The following STK39 variants were observed in gnomAD, a reference collection of about 807,000 sequenced individuals.
STK39 encodes the protein serine/threonine kinase 39, also known as STE20/SPS1-related proline-alanine-rich protein kinase.
STK39 carries 20 observed loss-of-function variants against 77.8 expected under a neutral mutation model. The observed-to-expected ratio is 0.26, with a 90% CI of 0.18 to 0.37. The LOEUF is 0.37. STK39 is among the 10% of genes least tolerant of loss of function. The pLI is 1.00. For missense variants in STK39, 479 were observed against 656.5 expected (o/e 0.73, Z 2.95); for synonymous variants, 246 against 234.1 (o/e 1.05, Z -0.47).
intron 16 of STK39, among the ~76,000 whole-genome samples, chr2:167,973,642 G>T (rs1185757106): frequency 7.9e-5 from 12 of 152,116 alleles, no homozygotes; most frequent in Admixed American, 3.3e-4. Context: ...CTGAAAAAAT[G>T]GTTTTACATG....
chr2:168,010,351 G>A (rs1684240611), intron 16 of STK39, among the ~76,000 whole-genome samples: 1 of 151,192 alleles, frequency 6.6e-6, no homozygotes, highest in African/African-American at 2.5e-5. Context: ...TCTAATGAAG[G>A]AGAGTGTTCA....
Position 168,169,371 on chromosome 2 carries a change from G to T in STK39, c.322-1964C>A, listed in dbSNP as rs548021846. On this transcript the variant is annotated intron_variant, in intron 2 of 17. Coordinates refer to ENST00000355999, the MANE Select transcript of STK39 (RefSeq NM_013233.3). ...GGTCCAGTTTAAACAGATGCCTAGT[G>T]TTCAAAGAAACGAGAACAATGTCTC... 2.1e-4 allele frequency among the ~76,000 whole-genome samples: 32 copies of T among 152,286 alleles called. No homozygotes were observed. The South Asian group carries it at 6.6e-3, about 32-fold the overall frequency.
At chr2:168,149,449 TC>T (rs754424671) in intron 5 of STK39, among the ~76,000 whole-genome samples, 4 of 152,188 alleles carry the variant, frequency 2.6e-5, no homozygotes, top group African/African-American at 4.8e-5. Flanking sequence ...CATCTCTAGG[TC>T]CCCTGCACCA....
intron 1 of STK39, among the ~76,000 whole-genome samples, chr2:168,238,661 C>T (rs78145880): frequency 0.012 from 1,846 of 152,296 alleles, 35 homozygotes; most frequent in East Asian, 0.078. Context: ...ATATCATTTA[C>T]TCACATCGGA....
At chr2:168,062,950 C>T (rs1306021113) in intron 14 of STK39, among the ~76,000 whole-genome samples, 1 of 152,082 alleles carries the variant, frequency 6.6e-6, no homozygotes, top group Non-Finnish European at 1.5e-5. Context: ...ACGGAAAACG[C>T]TTTCATTCAC....
intron 1 of STK39, among the ~76,000 whole-genome samples, chr2:168,191,222 G>A (rs1314736904): frequency 6.6e-6 from 1 of 152,276 alleles, no homozygotes; most frequent in East Asian, 1.9e-4. Context: ...GGAGTGCAGG[G>A]CCTGACATGC....
intron 16 of STK39, among the ~76,000 whole-genome samples, chr2:167,973,425 G>T (rs1692404293): frequency 6.6e-6 from 1 of 152,156 alleles, no homozygotes; most frequent in Non-Finnish European, 1.5e-5. Context: ...AGGTTATAAA[G>T]AAAATGGATT....
At chr2:168,198,588 T>C (rs1430955856) in intron 1 of STK39, among the ~76,000 whole-genome samples, 5 of 152,334 alleles carry the variant, frequency 3.3e-5, no homozygotes, top group Admixed American at 3.3e-4. Flanking sequence ...TATTTACCGA[T>C]GATACTAGAA....
intron 2 of STK39, among the ~76,000 whole-genome samples, chr2:168,180,221 T>C (rs4667567): frequency 0.32 from 48,380 of 151,816 alleles, 7,948 homozygotes; most frequent in East Asian, 0.46. Context: ...GTGGTGCATG[T>C]CTGTAATCCC....
chr2:168,236,845 A>G (rs1373195959), intron 1 of STK39, among the ~76,000 whole-genome samples: 1 of 152,120 alleles, frequency 6.6e-6, no homozygotes. Context: ...TGTTTTGGTT[A>G]CTGTAGCCTT....
chr2:167,963,270 T>C (rs558544318), intron 17 of STK39, among the ~76,000 whole-genome samples: 1 of 152,174 alleles, frequency 6.6e-6, no homozygotes, highest in Admixed American at 6.5e-5. Flanking sequence ...ATTATTCTTA[T>C]GGTTTACCTA....
chr2:168,091,669 C>T (rs1686528614), intron 10 of STK39, among the ~76,000 whole-genome samples: 1 of 152,112 alleles, frequency 6.6e-6, no homozygotes. Flanking sequence ...TTCTTGGCTA[C>T]TACATTCATT....
chr2:168,161,909 G>GA (rs1688582020), intron 4 of STK39, 67 bp from the exon 5 acceptor site: 1 of 1,215,788 alleles, frequency 8.2e-7, no homozygotes, highest in African/African-American at 1.6e-5. Context: ...ATTCACTCAG[G>GA]AAGATTTTAA....
chr2:168,012,904 A>G (rs528310600), intron 15 of STK39, among the ~76,000 whole-genome samples: 1 of 152,370 alleles, frequency 6.6e-6, no homozygotes, highest in South Asian at 2.1e-4. Context: ...TTTATTCAAC[A>G]GAAGTTATGC....
intron 1 of STK39, among the ~76,000 whole-genome samples, chr2:168,200,614 T>C (rs892081154): frequency 6.6e-5 from 10 of 151,912 alleles, no homozygotes; most frequent in African/African-American, 2.4e-4. Context: ...GAGGCAGAGG[T>C]TGCAGTGAGC....
At chr2:167,962,581 G>A (rs1244325795) in intron 17 of STK39, among the ~76,000 whole-genome samples, 2 of 152,172 alleles carry the variant, frequency 1.3e-5, no homozygotes, top group Non-Finnish European at 2.9e-5. Flanking sequence ...AAGCTGTAAT[G>A]GGAAGGAAAA....
At chr2:167,992,717 G>A (rs1331633632) in intron 16 of STK39, among the ~76,000 whole-genome samples, 1 of 152,118 alleles carries the variant, frequency 6.6e-6, no homozygotes, top group South Asian at 2.1e-4. Context: ...AAGGAGTCAT[G>A]GTTTAAAGTC....
chr2:167,990,606 C>T (rs1683676559), intron 16 of STK39, among the ~76,000 whole-genome samples: 1 of 152,204 alleles, frequency 6.6e-6, no homozygotes. Flanking sequence ...CCTGCTTAAT[C>T]TATAAATCTG....
chr2:168,040,117 T>G (rs1202037237), intron 14 of STK39, among the ~76,000 whole-genome samples: 1 of 152,152 alleles, frequency 6.6e-6, no homozygotes, highest in African/African-American at 2.4e-5. Context: ...ACTCAATGAC[T>G]TCCTCACAGT....
Sources: gnomAD v4.1 joint callset for allele counts (sites outside exome capture counted in the v4.1 genomes callset) on GRCh38, gnomAD v4.1.1 for gene constraint, MANE v1.5 for transcripts, NCBI Gene and HGNC (gene_info 2026-07-23, HGNC 2026-07-21) for gene names.